The following SLC2A9 variants were observed in gnomAD, a reference collection of about 807,000 sequenced individuals.
The protein encoded by SLC2A9 is solute carrier family 2 member 9.
A neutral mutation model predicts 50.6 loss-of-function variants in SLC2A9; 39 were observed. The observed-to-expected ratio is 0.77, with a 90% CI of 0.60 to 1.01. SLC2A9 has a LOEUF of 1.01. Ranked by LOEUF, SLC2A9 falls within the 50% of genes least tolerant of loss-of-function variation. The pLI, the probability that SLC2A9 is intolerant of heterozygous loss-of-function variation, is 0.00. For synonymous variants in SLC2A9, 324 were observed against 276.9 expected (o/e 1.17, Z -1.69); for missense variants, 686 against 677.6 (o/e 1.01, Z -0.14).
intron 5 of SLC2A9, among the ~76,000 whole-genome samples, chr4:9,964,644 G>C (rs893015924): frequency 6.6e-6 from 1 of 152,188 alleles, no homozygotes; most frequent in South Asian, 2.1e-4. Context: ...TAATATTCTT[G>C]ATAAAAATCA....
chr4:9,847,221 C>T (rs758981893), intron 10 of SLC2A9, among the ~76,000 whole-genome samples: 8 of 152,146 alleles, frequency 5.3e-5, no homozygotes, highest in Non-Finnish European at 7.3e-5. Context: ...CAGTTCTGCA[C>T]GGCTGGAGAA....
rs554630526 is a variant in SLC2A9 at position 9,831,183 on chromosome 4, T to G, written c.1419+3698A>C. Reference sequence around the variant, plus strand: ...GAAACAATCAAGTTGTGTGAGTAGTTTCTCTTGGTGGCTGCTGTGGGCTGA... The same window carrying G: ...GAAACAATCAAGTTGTGTGAGTAGTGTCTCTTGGTGGCTGCTGTGGGCTGA... On this transcript the variant is annotated intron_variant, in intron 11 of 11. Transcript: ENST00000264784. Among the ~76,000 whole-genome samples, 12 of 152,242 alleles carry G rather than the reference T, an allele frequency of 7.9e-5. 1 individual carries two copies. In the South Asian group the frequency reaches 2.5e-3, roughly 32 times the overall value.
intron 7 of SLC2A9, among the ~76,000 whole-genome samples, chr4:9,908,711 C>G (rs941858842): frequency 6.6e-6 from 1 of 152,046 alleles, no homozygotes; most frequent in Non-Finnish European, 1.5e-5. Context: ...ACTACCCCCA[C>G]CCCACAACAG....
intron 10 of SLC2A9, among the ~76,000 whole-genome samples, chr4:9,882,856 C>T (rs189538249): frequency 3.9e-5 from 6 of 152,212 alleles, no homozygotes; most frequent in Admixed American, 2.0e-4. Context: ...CCTACCCCAA[C>T]CTCATGATGG....
At position 9,771,187 on chromosome 4, in the gene SLC2A9, T is replaced by C. The variant is rs576651977; in HGVS notation, n.364A>G. The C allele has an allele frequency of 1.4e-4, 40 of 291,724 alleles. 1 individual carries two copies. Among genetic ancestry groups the C allele is most frequent in the Middle Eastern group, 1.9e-3 (2 of 1,040 alleles). 18.1% of individuals were successfully genotyped at this position (291,724 alleles called of 1,614,324 possible). A position where few individuals can be genotyped will look rare whatever the true frequency, so the allele number is the denominator to read the frequency against. ...CAACATTTATTGAAACTTATATTAG[T>C]CAAGCAACTTAATGCTAGGCTAAGC... On this transcript the variant is annotated non_coding_transcript_exon_variant, in exon 2 of 2. Coordinates refer to the SLC2A9 transcript ENST00000508585.
chr4:9,993,719 T>C (rs1345972247), intron 3 of SLC2A9, among the ~76,000 whole-genome samples: 2 of 152,170 alleles, frequency 1.3e-5, no homozygotes, highest in South Asian at 2.1e-4. Flanking sequence ...GGATGCTAAA[T>C]GGGTCACTGA....
intron 6 of SLC2A9, among the ~76,000 whole-genome samples, chr4:9,927,731 T>C (rs1295280012): frequency 6.6e-6 from 1 of 152,126 alleles, no homozygotes; most frequent in African/African-American, 2.4e-5. Flanking sequence ...TAGGAGGAGA[T>C]ATTGGAGCTC....
At chr4:9,909,471 T>C (rs1167313822) in intron 7 of SLC2A9, among the ~76,000 whole-genome samples, 5 of 152,246 alleles carry the variant, frequency 3.3e-5, no homozygotes, top group East Asian at 1.9e-4. Flanking sequence ...TAAATCCTAA[T>C]TGATGCCCAT....
chr4:9,794,142 T>G (rs1720294536), downstream of SLC2A9, among the ~76,000 whole-genome samples: 1 of 151,390 alleles, frequency 6.6e-6, no homozygotes, highest in Non-Finnish European at 1.5e-5. Context: ...AGCGATCTCA[T>G]TAATTCCTTT....
At chr4:9,834,652 G>GCC (rs1726725154) in intron 11 of SLC2A9, among the ~76,000 whole-genome samples, 1 of 152,158 alleles carries the variant, frequency 6.6e-6, no homozygotes, top group Non-Finnish European at 1.5e-5. Context: ...GCAATGGGTA[G>GCC]CCCACACCCT....
intron 2 of SLC2A9, among the ~76,000 whole-genome samples, chr4:10,003,892 C>T (rs1760307323): frequency 1.3e-5 from 2 of 152,200 alleles, no homozygotes; most frequent in South Asian, 4.1e-4. Flanking sequence ...TGGAGGCATA[C>T]TGACTCACTT....
At chr4:9,774,549 TTG>T (rs1322617846) in intron 1 of SLC2A9, among the ~76,000 whole-genome samples, 1 of 152,120 alleles carries the variant, frequency 6.6e-6, no homozygotes, top group Non-Finnish European at 1.5e-5. Context: ...CTGCTGAACA[TTG>T]TTTATTCCTT....
chr4:9,782,281 C>G, intron 3 of SLC2A9: 1 of 1,613,960 alleles, frequency 6.2e-7, no homozygotes, highest in Non-Finnish European at 8.5e-7. Flanking sequence ...TGTCTCTGGC[C>G]GTGTCAGACC....
chr4:9,792,870 C>T (rs1720138451), intron 3 of SLC2A9: 3 of 152,624 alleles, frequency 2.0e-5, no homozygotes, highest in African/African-American at 7.2e-5. Flanking sequence ...CCTACATCCT[C>T]TTTATTTATT....
At chr4:9,948,206 C>T (rs541335462) in intron 5 of SLC2A9, among the ~76,000 whole-genome samples, 4 of 152,244 alleles carry the variant, frequency 2.6e-5, no homozygotes, top group African/African-American at 9.6e-5. Flanking sequence ...TTGAGGCAAG[C>T]CCTCCTCTCA....
intron 5 of SLC2A9, among the ~76,000 whole-genome samples, chr4:9,946,056 A>G (rs964407600): frequency 2.6e-5 from 4 of 152,222 alleles, no homozygotes; most frequent in African/African-American, 9.6e-5. Flanking sequence ...ACAACCTCAA[A>G]GATGAGTCTT....
At chr4:10,000,543 T>C (rs918763502) in intron 2 of SLC2A9, among the ~76,000 whole-genome samples, 1 of 152,206 alleles carries the variant, frequency 6.6e-6, no homozygotes, top group Admixed American at 6.5e-5. Flanking sequence ...CTGCTTTCCA[T>C]AATTTTGACC....
intron 10 of SLC2A9, among the ~76,000 whole-genome samples, chr4:9,851,957 T>TGAAAGCAAGGGAGA (rs1730000735): frequency 6.6e-6 from 1 of 152,204 alleles, no homozygotes; most frequent in South Asian, 2.1e-4. Flanking sequence ...CTGGTGTCTC[T>TGAAAGCAAGGGAGA]GAAAGCAAGG....
intron 2 of SLC2A9, among the ~76,000 whole-genome samples, chr4:10,001,345 G>A (rs777821002): frequency 4.6e-5 from 7 of 152,184 alleles, no homozygotes; most frequent in Non-Finnish European, 8.8e-5. Flanking sequence ...ACAGGCACAG[G>A]AGGAAGATGA....
Sources: gnomAD v4.1 joint callset for allele counts (sites outside exome capture counted in the v4.1 genomes callset) on GRCh38, gnomAD v4.1.1 for gene constraint, MANE v1.5 for transcripts, NCBI Gene and HGNC (gene_info 2026-07-23, HGNC 2026-07-21) for gene names.